Variants in CDH22 observed in about 807,000 individuals in gnomAD.
CDH22 encodes cadherin 22, also known as cadherin-22.
In CDH22, 30 loss-of-function variants were observed where a neutral mutation model predicts 58.4. That is an observed-to-expected ratio of 0.51 (90% CI 0.38 to 0.70). The LOEUF is 0.70. CDH22 is among the 30% of genes least tolerant of loss of function. The pLI is 0.00. For synonymous variants in CDH22, 513 were observed against 558.2 expected (o/e 0.92, Z 1.14); for missense variants, 1,014 against 1,233.9 (o/e 0.82, Z 2.67).
chr20:46,197,241 T>A (rs2085911096), intron 8 of CDH22, among the ~76,000 whole-genome samples: 1 of 151,748 alleles, frequency 6.6e-6, no homozygotes, highest in Admixed American at 6.6e-5. Flanking sequence ...TGGGTGCTAA[T>A]CATGCTACTG....
intron 11 of CDH22, among the ~76,000 whole-genome samples, chr20:46,176,289 T>C (rs1374955488): frequency 6.6e-6 from 1 of 152,194 alleles, no homozygotes; most frequent in Non-Finnish European, 1.5e-5. Flanking sequence ...CCCTGAAATC[T>C]AGATTGTACA....
chr20:46,264,892 C>T (rs1034198560), intron 1 of CDH22, among the ~76,000 whole-genome samples: 3 of 151,388 alleles, frequency 2.0e-5, no homozygotes, highest in Non-Finnish European at 2.9e-5. Context: ...ACACCGTGCG[C>T]GCACACACAC....
chr20:46,189,525 G>T (rs1415407191), intron 8 of CDH22, among the ~76,000 whole-genome samples: 1 of 152,176 alleles, frequency 6.6e-6, no homozygotes, highest in Non-Finnish European at 1.5e-5. Context: ...AGGGTCCTAT[G>T]GGCCATGTCG....
intron 8 of CDH22, among the ~76,000 whole-genome samples, chr20:46,193,188 A>G (rs1201937392): frequency 5.3e-5 from 8 of 152,098 alleles, no homozygotes; most frequent in African/African-American, 1.4e-4. Context: ...CTCCATGTAT[A>G]TCACAAAATC....
intron 8 of CDH22, among the ~76,000 whole-genome samples, chr20:46,195,618 C>T (rs1474986485): frequency 1.4e-5 from 2 of 145,842 alleles, no homozygotes; most frequent in Non-Finnish European, 3.0e-5. Context: ...CCCTAGACCC[C>T]CCCCCCACCC....
rs544428222 is a variant in CDH22 at position 46,307,193 on chromosome 20, G to A, written c.-400+1062C>T. Among the ~76,000 whole-genome samples the A allele has an allele frequency of 3.0e-4, 46 of 152,308 alleles. 1 individual carries two copies. The South Asian group carries it at 9.1e-3, about 30-fold the overall frequency. On this transcript the variant is annotated intron_variant, in intron 1 of 11. Coordinates refer to ENST00000537909, the MANE Select transcript of CDH22 (RefSeq NM_021248.3). ...AAGGAGCGAGCACCTCGGAAGACCT[G>A]AGCAGCTTCAAACAGCAGCTTCTCT...
At chr20:46,186,157 C>G (rs940812971) in intron 10 of CDH22, among the ~76,000 whole-genome samples, 3 of 143,436 alleles carry the variant, frequency 2.1e-5, no homozygotes, top group Non-Finnish European at 4.5e-5. Context: ...GAGGTTGCAA[C>G]GAGCCACTGC....
At chr20:46,262,728 T>TTGTG (rs2086439351) in intron 1 of CDH22, among the ~76,000 whole-genome samples, 1 of 152,186 alleles carries the variant, frequency 6.6e-6, no homozygotes, top group Non-Finnish European at 1.5e-5. Context: ...ATTTGAACTC[T>TTGTG]GATCTGCCAG....
At chr20:46,223,715 T>TTCTC (rs1161674590) in intron 4 of CDH22, among the ~76,000 whole-genome samples, 3 of 24,102 alleles carry the variant, frequency 1.2e-4, no homozygotes, top group African/African-American at 5.6e-4. Context: ...CTTTCTTTCT[T>TTCTC]TTTCTTTCTT....
intron 1 of CDH22, among the ~76,000 whole-genome samples, chr20:46,272,794 C>T (rs1214757925): frequency 6.6e-6 from 1 of 152,254 alleles, no homozygotes; most frequent in African/African-American, 2.4e-5. Context: ...TGTTTGCTCA[C>T]ATTGTACTGC....
At chr20:46,243,561 C>T (rs1226579583) in intron 2 of CDH22, among the ~76,000 whole-genome samples, 1 of 152,130 alleles carries the variant, frequency 6.6e-6, no homozygotes, top group Non-Finnish European at 1.5e-5. Flanking sequence ...CAGTTTAATG[C>T]CCCCAATAAA....
At chr20:46,213,893 A>G (rs1216667846) in intron 5 of CDH22, among the ~76,000 whole-genome samples, 1 of 152,194 alleles carries the variant, frequency 6.6e-6, no homozygotes, top group Non-Finnish European at 1.5e-5. Context: ...AGGGAAAGAC[A>G]CTAAACAATC....
At chr20:46,177,041 G>A (rs1262349343) in intron 11 of CDH22, among the ~76,000 whole-genome samples, 3 of 152,188 alleles carry the variant, frequency 2.0e-5, no homozygotes, top group Admixed American at 1.3e-4. Context: ...GGAGAAGGGG[G>A]ACCTCCCAAC....
intron 1 of CDH22, among the ~76,000 whole-genome samples, chr20:46,272,023 C>T (rs1220626327): frequency 6.6e-6 from 1 of 152,200 alleles, no homozygotes; most frequent in Non-Finnish European, 1.5e-5. Context: ...TCGTGAATGA[C>T]ACCCTCATCT....
At chr20:46,186,365 C>A (rs1388549264) in intron 10 of CDH22, among the ~76,000 whole-genome samples, 1 of 151,868 alleles carries the variant, frequency 6.6e-6, no homozygotes, top group South Asian at 2.1e-4. Flanking sequence ...TTCCCATCTG[C>A]CATTTCTTAT....
intron 5 of CDH22, among the ~76,000 whole-genome samples, chr20:46,215,226 GTC>G: frequency 6.6e-6 from 1 of 152,176 alleles, no homozygotes; most frequent in East Asian, 1.9e-4. Context: ...GTTCAAAGCA[GTC>G]TCCTTCCCAA....
At chr20:46,239,979 T>C (rs943439472) in intron 3 of CDH22, among the ~76,000 whole-genome samples, 3 of 152,244 alleles carry the variant, frequency 2.0e-5, no homozygotes, top group African/African-American at 7.2e-5. Flanking sequence ...TCTGTGTGTG[T>C]GCACTTCACT....
chr20:46,291,346 C>T (rs1302171821), intron 1 of CDH22, among the ~76,000 whole-genome samples: 1 of 152,152 alleles, frequency 6.6e-6, no homozygotes, highest in East Asian at 1.9e-4. Flanking sequence ...ACACTTGCAT[C>T]GCACTTACTC....
At chr20:46,292,516 G>A (rs182950315) in intron 1 of CDH22, among the ~76,000 whole-genome samples, 5 of 152,266 alleles carry the variant, frequency 3.3e-5, no homozygotes, top group Non-Finnish European at 5.9e-5. Context: ...TTAGAGAATC[G>A]CAAACGCCCA....
Sources: gnomAD v4.1 joint callset for allele counts (sites outside exome capture counted in the v4.1 genomes callset) on GRCh38, gnomAD v4.1.1 for gene constraint, MANE v1.5 for transcripts, NCBI Gene and HGNC (gene_info 2026-07-23, HGNC 2026-07-21) for gene names.